INPP5B: variants seen among roughly 807,000 people sequenced by gnomAD.
The protein encoded by INPP5B is type II inositol 1,4,5-trisphosphate 5-phosphatase.
INPP5B carries 90 observed loss-of-function variants against 118.5 expected under a neutral mutation model. The observed-to-expected ratio is 0.76, with a 90% CI of 0.64 to 0.90. INPP5B has a LOEUF of 0.90. Ranked by LOEUF, INPP5B falls within the 40% of genes least tolerant of loss-of-function variation. INPP5B has a pLI of 0.00. For missense variants in INPP5B, 984 were observed against 1,125.6 expected, an observed-to-expected ratio of 0.87 and a Z score of 1.80; for synonymous variants, 385 against 418.9, an observed-to-expected ratio of 0.92 and a Z score of 0.99.
intron 7 of INPP5B, among the ~76,000 whole-genome samples, chr1:37,902,568 T>G (rs1194766221): frequency 6.6e-6 from 1 of 152,038 alleles, no homozygotes; most frequent in Admixed American, 6.6e-5. Flanking sequence ...AAAAAAAAAT[T>G]TTTTTTGAGA....
intron 7 of INPP5B, among the ~76,000 whole-genome samples, chr1:37,920,261 A>C (rs1400558755): frequency 1.3e-5 from 2 of 152,234 alleles, no homozygotes; most frequent in African/African-American, 4.8e-5. Flanking sequence ...AGAAAATTTA[A>C]CTTCAGCAAA....
chr1:37,895,789 G>A (rs1043100349), intron 7 of INPP5B, among the ~76,000 whole-genome samples: 3 of 152,240 alleles, frequency 2.0e-5, no homozygotes, highest in African/African-American at 7.2e-5. Flanking sequence ...TGCCGGGATT[G>A]CAGACGGAGT....
chr1:37,917,566 A>T (rs1644917290), intron 7 of INPP5B, among the ~76,000 whole-genome samples: 1 of 151,368 alleles, frequency 6.6e-6, no homozygotes, highest in African/African-American at 2.4e-5. Flanking sequence ...TCAAGCAATC[A>T]GCCTGCCTAG....
intron 2 of INPP5B, 82 bp downstream of exon 2, chr1:37,946,170 G>T: frequency 2.3e-6 from 3 of 1,305,588 alleles, no homozygotes; most frequent in Admixed American, 2.0e-5. Flanking sequence ...GGGCAGGAGA[G>T]GGGATAGACA....
intron 6 of INPP5B, 113 bp downstream of exon 6, chr1:37,940,575 G>T: frequency 3.1e-6 from 2 of 652,072 alleles, no homozygotes; most frequent in Non-Finnish European, 5.5e-6. Context: ...CAGCAGCTTC[G>T]AAAGGACACA....
intron 7 of INPP5B, among the ~76,000 whole-genome samples, chr1:37,894,582 G>C (rs1643952929): frequency 7.1e-6 from 1 of 140,742 alleles, no homozygotes; most frequent in South Asian, 2.2e-4. Context: ...TTTTTTTTGA[G>C]ACAGGGTCTC....
At chr1:37,917,241 A>C (rs1644898076) in intron 7 of INPP5B, among the ~76,000 whole-genome samples, 1 of 137,052 alleles carries the variant, frequency 7.3e-6, no homozygotes, top group Non-Finnish European at 1.6e-5. Context: ...GTGAGCCGAG[A>C]TTGTGCCACT....
chr1:37,941,477 AC>A (rs1178426440), intron 5 of INPP5B, among the ~76,000 whole-genome samples: 1 of 150,212 alleles, frequency 6.7e-6, no homozygotes, highest in Non-Finnish European at 1.5e-5. Context: ...ATGAGACACC[AC>A]CCCCCGCCAC....
At chr1:37,928,001 A>G (rs931716174) in intron 7 of INPP5B, among the ~76,000 whole-genome samples, 3 of 152,046 alleles carry the variant, frequency 2.0e-5, no homozygotes, top group African/African-American at 7.2e-5. Flanking sequence ...TATCCCCCAA[A>G]ATGCCTGGGC....
intron 7 of INPP5B, among the ~76,000 whole-genome samples, chr1:37,898,461 C>T (rs866488830): frequency 1.3e-5 from 2 of 151,930 alleles, no homozygotes; most frequent in Non-Finnish European, 2.9e-5. Flanking sequence ...TTTGGGAGGC[C>T]GAGGCGGGTG....
Position 37,887,731 on chromosome 1 carries a change from C to A in INPP5B, c.900-266G>T, listed in dbSNP as rs56023437. ...TTACATCTGTAACCCCTAGTTCACACAAGCACCAAGTGGCAAACTGGGATT... is the reference window on the plus strand; with the variant it reads ...TTACATCTGTAACCCCTAGTTCACAAAAGCACCAAGTGGCAAACTGGGATT... On this transcript the variant is annotated intron_variant, in intron 10 of 23. Transcript: ENST00000373024. Among the ~76,000 whole-genome samples, 12 of 152,130 alleles carry A rather than the reference C, an allele frequency of 7.9e-5. No individual in the cohort carries two copies. In the South Asian group the frequency reaches 2.3e-3, roughly 29 times the overall value.
At position 37,923,707 on chromosome 1, in the gene INPP5B, A is replaced by G. The variant is rs145977704; in HGVS notation, c.532+8206T>C. On this transcript the variant is annotated intron_variant, in intron 7 of 23. Transcript: ENST00000373024. ...AGACATGAGAGCAGAGGGAAGAGTC[A>G]AGGATACCCTGAGGTTGTTAGTGAC... 9.4e-3 allele frequency among the ~76,000 whole-genome samples: 1,424 copies of G among 152,210 alleles called. 28 individuals carry two copies. The highest frequency in any genetic ancestry group is 0.033 in the African/African-American group (1,361 of 41,512).
intron 19 of INPP5B, among the ~76,000 whole-genome samples, chr1:37,872,435 C>T (rs1162221674): frequency 6.7e-6 from 1 of 149,346 alleles, no homozygotes; most frequent in African/African-American, 2.5e-5. Flanking sequence ...GGCTTCACAA[C>T]TTGCTCTACC....
intron 7 of INPP5B, among the ~76,000 whole-genome samples, chr1:37,928,260 A>T (rs1440964645): frequency 6.6e-6 from 1 of 150,892 alleles, no homozygotes; most frequent in East Asian, 2.0e-4. Context: ...TGCAATCGCC[A>T]CCTCCCGGGT....
chr1:37,869,138 G>A (rs533009224), intron 19 of INPP5B, among the ~76,000 whole-genome samples: 110 of 152,018 alleles, frequency 7.2e-4, no homozygotes, highest in African/African-American at 2.3e-3. Context: ...GATTACAGGC[G>A]TGTGCCATCA....
rs565286977 is a variant in INPP5B, at chr1:37,928,353, T to G, written c.532+3560A>C. On this transcript the variant is annotated intron_variant, in intron 7 of 23. Transcript: ENST00000373024. ...CATGCTCAGCTAAGTTCTGTTTTTT[T>G]GGGGTTTTTTTGTTTTGTTTTGTTT... Among the ~76,000 whole-genome samples, 57 of 151,906 alleles carry G rather than the reference T, an allele frequency of 3.8e-4. No homozygotes were observed. The South Asian group carries it at 5.6e-3, about 15-fold the overall frequency.
At chr1:37,946,073 C>T (rs972657050) in intron 2 of INPP5B, among the ~76,000 whole-genome samples, 179 bp downstream of exon 2, 2 of 152,204 alleles carry the variant, frequency 1.3e-5, no homozygotes, top group Admixed American at 1.3e-4. Flanking sequence ...AGGAGGATAA[C>T]TGCGTATTTA....
chr1:37,871,804 G>A (rs1429672862), intron 19 of INPP5B, among the ~76,000 whole-genome samples: 5 of 151,858 alleles, frequency 3.3e-5, no homozygotes, highest in Non-Finnish European at 7.4e-5. Context: ...GGCTGAGATG[G>A]GAGAATTGAT....
intron 7 of INPP5B, among the ~76,000 whole-genome samples, chr1:37,899,550 G>GA (rs1376912276): frequency 2.6e-5 from 4 of 151,924 alleles, no homozygotes; most frequent in Non-Finnish European, 5.9e-5. Context: ...CAACAAGAGC[G>GA]AAACTCTGCC....
Sources: allele counts gnomAD v4.1 joint callset (sites outside exome capture counted in the v4.1 genomes callset), GRCh38; gene constraint gnomAD v4.1.1; transcripts MANE v1.5; gene names NCBI Gene and HGNC (gene_info 2026-07-23, HGNC 2026-07-21).